Variants in PPP2R5B observed in about 807,000 individuals in gnomAD.
The protein encoded by PPP2R5B is serine/threonine-protein phosphatase 2A 56 kDa regulatory subunit beta isoform.
In PPP2R5B, 19 loss-of-function variants were observed where a neutral mutation model predicts 59.9. That is an observed-to-expected ratio of 0.32 (90% CI 0.22 to 0.47). The LOEUF is 0.47. Ranked by LOEUF, PPP2R5B falls within the 20% of genes least tolerant of loss-of-function variation. PPP2R5B has a pLI of 1.00. For synonymous variants in PPP2R5B, 286 were observed against 260.5 expected, an observed-to-expected ratio of 1.10 and a Z score of -0.94; for missense variants, 441 against 640.2, an observed-to-expected ratio of 0.69 and a Z score of 3.36.
intron 11 of PPP2R5B, among the ~76,000 whole-genome samples, chr11:64,932,417 C>A (rs117874559): frequency 0.012 from 1,847 of 152,300 alleles, 20 homozygotes; most frequent in Middle Eastern, 0.027. Context: ...TCATTAAACA[C>A]CTAAAAGTCT....
Position 64,931,385 on chromosome 11 carries a change from C to T in PPP2R5B, c.892-51C>T. On this transcript the variant is annotated intron_variant, in intron 8 of 13. Transcript: ENST00000164133. This position sits in a 1 kb window ranked among gnomAD's most constrained non-coding sequence, Gnocchi z 5.0. ...GTCCTGGACAGCAAGTCCTTGGCGC[C>T]TGGTGCCTTCCTGACCTGTCTTCCT... 6.3e-7 allele frequency: 1 copy of T among 1,593,176 alleles called. No homozygotes were observed. The highest frequency in any genetic ancestry group is 8.6e-7 in the Non-Finnish European group (1 of 1,162,348).
upstream of PPP2R5B, chr11:64,924,195 G>A (rs1945134527): frequency 1.3e-5 from 2 of 152,278 alleles, no homozygotes; most frequent in Admixed American, 1.3e-4. Context: ...GCAGGCTTGG[G>A]TGCACCACAC....
rs1450503256 is a variant in PPP2R5B, at chr11:64,928,392, A to G, written c.689A>G (p.Tyr230Cys). ...GGCAAGTTCCTGGGTCTCCGGGCCT[A>G]CATCCGCAAACAGTGCAACCACATC... Reference protein sequence around the residue: ...VYGKFLGLRAYIRKQCNHIFL... With the variant: ...VYGKFLGLRACIRKQCNHIFL... Residue 230 changes from tyrosine to cysteine, a missense_variant, in exon 6 of 14, where the codon TAC becomes TGC. This residue lies in a region of PPP2R5B where 268 missense variants were observed against 488.1 expected (regional missense o/e 0.55). Transcript: ENST00000164133. 1.2e-6 allele frequency: 2 copies of G among 1,614,250 alleles called. No individual in the cohort carries two copies. Among genetic ancestry groups the G allele is most frequent in the Non-Finnish European group, 1.7e-6 (2 of 1,180,038 alleles).
In PPP2R5B at chr11:64,928,300, G is replaced by C; in HGVS notation, c.597G>C (p.Leu199=). Residue 199 remains leucine, a synonymous_variant, in exon 6 of 14, where the codon CTG becomes CTC. Transcript: ENST00000164133. ...YVDQKFVLML[L]ELFDSEDPRE... ...CCTGACTCTGGTTCCCACAGCTCCT[G>C]GAGCTATTTGATAGTGAGGATCCCC... The C allele has an allele frequency of 6.2e-7, 1 of 1,613,806 alleles. No individual in the cohort carries two copies. Among genetic ancestry groups the C allele is most frequent in the Non-Finnish European group, 8.5e-7 (1 of 1,179,830 alleles).
At position 64,931,856 on chromosome 11, in the gene PPP2R5B, C is replaced by T. The variant is rs1395656937; in HGVS notation, c.1104C>T (p.Ser368=). 6.2e-7 allele frequency: 1 copy of T among 1,613,922 alleles called. No individual in the cohort carries two copies. Among genetic ancestry groups the T allele is most frequent in the East Asian group, 2.2e-5 (1 of 44,898 alleles). Residue 368 remains serine (S), a synonymous_variant, in exon 11 of 14, where the codon AGC becomes AGT. Coordinates refer to ENST00000164133, the MANE Select transcript of PPP2R5B (RefSeq NM_006244.4). The surrounding 1 kb of genome is among the most constrained non-coding windows in gnomAD (Gnocchi z 5.0). ...AGCAGGTGGCTCGCTGTGTTTCCAG[C>T]CCCCATTTCCAGGTATGAGGCAGGA... The part of the protein sequence containing the change: ...LFKQVARCVS[S]PHFQVAERAL...
In PPP2R5B at chr11:64,925,640, T is replaced by A; in HGVS notation, c.-95T>A. ...CCCCCCCCCCAAAGGCCGGACAGGA[T>A]GGGACCAAGTTAGTCTGTCCAGTCT... On this transcript the variant is annotated 5_prime_UTR_variant, in exon 2 of 14. The change abolishes an upstream ATG in the 5' untranslated region. Coordinates refer to ENST00000164133, the MANE Select transcript of PPP2R5B (RefSeq NM_006244.4). The surrounding 1 kb of genome is among the most constrained non-coding windows in gnomAD (Gnocchi z 4.6). 2 of 464,662 alleles carry A rather than the reference T, an allele frequency of 4.3e-6. No individual in the cohort carries two copies. Among genetic ancestry groups the A allele is most frequent in the Non-Finnish European group, 3.8e-6 (1 of 265,468 alleles). 28.8% of individuals were successfully genotyped at this position (464,662 alleles called of 1,614,324 possible).
rs1424005836 is a variant in PPP2R5B at position 64,933,338 on chromosome 11, CTCTG to C, written c.1346+97_1346+100del. 5 of 1,098,762 alleles carry C rather than the reference CTCTG, an allele frequency of 4.6e-6. No individual in the cohort carries two copies. In the African/African-American group the frequency reaches 7.7e-5, roughly 17 times the overall value. 68.1% of individuals were successfully genotyped at this position (1,098,762 alleles called of 1,614,324 possible). ...GAGGGAACCCGAGGACTACCCCAAA[CTCTG>C]TCTGATCAGATGCTGCAAGACTGTC... On this transcript the variant is annotated intron_variant, in intron 13 of 13. Coordinates refer to ENST00000164133, the MANE Select transcript of PPP2R5B (RefSeq NM_006244.4).
At chr11:64,918,192 T>G (rs751162007) in intron 1 of PPP2R5B, 2 of 152,180 alleles carry the variant, frequency 1.3e-5, no homozygotes, top group Non-Finnish European at 2.9e-5. Flanking sequence ...GCTGCTTTCT[T>G]GCTACAAGAG....
At position 64,933,136 on chromosome 11, in the gene PPP2R5B, A is replaced by G. The variant is rs759449077; in HGVS notation, c.1245-9A>G. The stretch of plus-strand genomic sequence containing the variant: ...TTTCATCTCCTCATCCCTCCTTGAC[A>G]CTGCCAAGAACCATCGTATCACTGA... On this transcript the variant is annotated splice_polypyrimidine_tract_variant and intron_variant, in intron 12 of 13. Coordinates refer to ENST00000164133, the MANE Select transcript of PPP2R5B (RefSeq NM_006244.4). The G allele has an allele frequency of 3.1e-6, 5 of 1,601,498 alleles. No homozygotes were observed. Among genetic ancestry groups the G allele is most frequent in the African/African-American group, 2.7e-5 (2 of 74,592 alleles).
upstream of PPP2R5B, among the ~76,000 whole-genome samples, chr11:64,921,587 G>C (rs896460715): frequency 2.6e-5 from 4 of 152,188 alleles, no homozygotes; most frequent in Non-Finnish European, 5.9e-5. Flanking sequence ...ACTCTGTCCT[G>C]GGTGGAGAGC....
chr11:64,918,530 C>T (rs528390857), intron 1 of PPP2R5B, among the ~76,000 whole-genome samples: 1 of 152,026 alleles, frequency 6.6e-6, no homozygotes, highest in African/African-American at 2.4e-5. Context: ...AGCTAATTAC[C>T]GTGTTGGGCA....
At chr11:64,923,852 A>G (rs1009593973), upstream of PPP2R5B, among the ~76,000 whole-genome samples, 4 of 152,166 alleles carry the variant, frequency 2.6e-5, no homozygotes, top group Non-Finnish European at 5.9e-5. Context: ...GTTGGGGTCC[A>G]GGATCCTAGG....
rs1212695693 is a variant in PPP2R5B, at chr11:64,928,347, C to A, written c.644C>A (p.Thr215Asn). 6.2e-7 allele frequency: 1 copy of A among 1,614,246 alleles called. No individual in the cohort carries two copies. Among genetic ancestry groups the A allele is most frequent in the South Asian group, 1.1e-5 (1 of 91,086 alleles). ...CCCCGGGAGCGTGAGTACCTCAAGA[C>A]CATCCTGCACCGGGTCTATGGCAAG... ...EDPREREYLK[T>N]ILHRVYGKFL... is the part of the protein sequence containing the mutation. The change falls in exon 6 of 14, where the codon ACC becomes AAC. Residue 215 changes from threonine (T) to asparagine (N), a missense_variant. Physicochemically the swap from Thr to Asn is moderately conservative, Grantham distance 65. This residue lies in a region of PPP2R5B where 268 missense variants were observed against 488.1 expected (regional missense o/e 0.55). Transcript: ENST00000164133.
chr11:64,925,933 G>C lies in PPP2R5B; in HGVS notation c.199G>C (p.Asp67His), dbSNP rs1371749828. The C allele has an allele frequency of 1.9e-6, 3 of 1,610,652 alleles. No individual in the cohort carries two copies. The highest frequency in any genetic ancestry group is 2.5e-6 in the Non-Finnish European group (3 of 1,179,502). ...GCTCACACCGCTGCCCCTGCTCAAA[G>C]GTGAGCTGGCTGCTGGCCACTGGGG... ...QELTPLPLLK[D>H]VPASELHELL... The change falls in exon 2 of 14, where the codon GAT becomes CAT. Residue 67 changes from aspartate to histidine, a missense_variant and splice_region_variant. Around this residue, in one of 3 missense-constraint regions of PPP2R5B, gnomAD observed 268 missense variants for 488.1 expected, o/e 0.55. Coordinates refer to ENST00000164133, the MANE Select transcript of PPP2R5B (RefSeq NM_006244.4). This position sits in a 1 kb window ranked among gnomAD's most constrained non-coding sequence, Gnocchi z 4.6.
chr11:64,927,325 C>T (rs1446952245), intron 3 of PPP2R5B, among the ~76,000 whole-genome samples: 1 of 152,194 alleles, frequency 6.6e-6, no homozygotes, highest in Non-Finnish European at 1.5e-5. Flanking sequence ...GTTCCCAGCC[C>T]CTGGCCCAGG....
At chr11:64,926,055 G>C in intron 2 of PPP2R5B, 122 bp downstream of exon 2, 1 of 1,020,868 alleles carries the variant, frequency 9.8e-7, no homozygotes, top group South Asian at 1.6e-5. Flanking sequence ...CTCCAGGCTA[G>C]GTTCTCCGCC....
intron 6 of PPP2R5B, among the ~76,000 whole-genome samples, chr11:64,928,769 A>T (rs1945197367): frequency 6.6e-6 from 1 of 152,224 alleles, no homozygotes; most frequent in African/African-American, 2.4e-5. Flanking sequence ...CTGTAGTCCC[A>T]GCTACTCGGG....
chr11:64,933,803 C>T lies in PPP2R5B; in HGVS notation c.1453C>T (p.Arg485Trp), dbSNP rs192831260. The change falls in exon 14 of 14, where the codon CGG (arginine) becomes TGG (tryptophan). Residue 485 changes from arginine (R) to tryptophan (W), a missense_variant. Arg to Trp is a moderately radical substitution (Grantham distance 101, BLOSUM62 -3). Coordinates refer to ENST00000164133, the MANE Select transcript of PPP2R5B (RefSeq NM_006244.4). ...TQGAKEAPLQ[R>W]LTPQVAASGG... ...GGGGGCCAAGGAGGCCCCCCTCCAG[C>T]GGCTTACACCCCAGGTGGCCGCCAG... is the stretch of plus-strand genomic sequence containing the variant. The T allele has an allele frequency of 3.9e-5, 60 of 1,551,964 alleles. No homozygotes were observed. The East Asian group carries it at 6.3e-4, about 16-fold the overall frequency.
Position 64,925,774 on chromosome 11 carries a change from C to T in PPP2R5B, c.40C>T (p.Pro14Ser). 6.3e-7 allele frequency: 1 copy of T among 1,588,398 alleles called. No individual in the cohort carries two copies. The highest frequency in any genetic ancestry group is 8.6e-7 in the Non-Finnish European group (1 of 1,164,038). Residue 14 changes from proline (P) to serine (S), a missense_variant, in exon 2 of 14, where the codon CCC (proline) becomes TCC (serine). Around this residue, in one of 3 missense-constraint regions of PPP2R5B, gnomAD observed 103 missense variants for 87.9 expected, o/e 1.17. Coordinates refer to ENST00000164133, the MANE Select transcript of PPP2R5B (RefSeq NM_006244.4). This position sits in a 1 kb window ranked among gnomAD's most constrained non-coding sequence, Gnocchi z 4.6. ...KLPPASTPTS[P>S]SSPGLSPVPP... The stretch of plus-strand genomic sequence containing the variant: ...GCCCCCTGCAAGCACCCCCACTAGC[C>T]CCTCCTCCCCCGGGCTGTCGCCTGT...
Sources: allele counts gnomAD v4.1 joint callset (sites outside exome capture counted in the v4.1 genomes callset), GRCh38; gene constraint gnomAD v4.1.1; regional missense constraint gnomAD v4.1.1; non-coding constraint Gnocchi (gnomAD v3.1); transcripts MANE v1.5; gene names NCBI Gene and HGNC (gene_info 2026-07-23, HGNC 2026-07-21).